Variants in DMD observed in about 807,000 individuals in gnomAD.
DMD encodes mutant dystrophin.
A neutral mutation model predicts 330.1 loss-of-function variants in DMD; 63 were observed. That is an observed-to-expected ratio of 0.19 (90% confidence interval 0.16 to 0.24). The LOEUF is 0.24. Among genes scored for constraint, DMD ranks in the 10% least tolerant of loss-of-function variants. The pLI is 1.00. For synonymous variants in DMD, 1,223 were observed against 959.8 expected (o/e 1.27, Z -5.07); for missense variants, 3,344 against 2,684.1 (o/e 1.25, Z -5.43).
intron 60 of DMD, among the ~76,000 whole-genome samples, chrX:31,409,781 T>C (rs1285599454): frequency 1.8e-5 from 2 of 112,171 alleles, no homozygotes; most frequent in Non-Finnish European, 3.8e-5. Context: ...TGGTGCCAGA[T>C]GGTTTGAAGT....
chrX:32,067,612 G>T (rs1172048017), intron 44 of DMD, among the ~76,000 whole-genome samples: 1 of 111,173 alleles, frequency 9.0e-6, no homozygotes, highest in African/African-American at 3.3e-5. Context: ...ATAGTATTTG[G>T]TTTTCTGTTC....
At chrX:31,900,568 A>T (rs1449223966) in intron 47 of DMD, among the ~76,000 whole-genome samples, 1 of 111,381 alleles carries the variant, frequency 9.0e-6, no homozygotes, top group Non-Finnish European at 1.9e-5. Flanking sequence ...GTATGTCTTT[A>T]TCCGCAGTGT....
At position 32,876,685 on chromosome X, in the gene DMD, A is replaced by AT. The variant is rs1217983368; in HGVS notation, c.94-26866dup. On this transcript the variant is annotated intron_variant, in intron 2 of 78. Transcript: ENST00000357033. The stretch of plus-strand genomic sequence containing the variant: ...CTTTATGAGCCCCTGGCTGAAAGAT[A>AT]TTTTTTTTTAATCCCCTACTAAAAC... Among the ~76,000 whole-genome samples, 10 of 110,418 alleles carry AT rather than the reference A, an allele frequency of 9.1e-5. No homozygotes were observed. In the South Asian group the frequency reaches 3.5e-3, roughly 38 times the overall value.
At chrX:32,597,715 A>G (rs2055724951) in intron 12 of DMD, among the ~76,000 whole-genome samples, 2 of 111,899 alleles carry the variant, frequency 1.8e-5, no homozygotes. Context: ...GTAATGATGA[A>G]CAGGGGTAAA....
chrX:32,619,193 G>C (rs2057807329), intron 11 of DMD, among the ~76,000 whole-genome samples: 1 of 111,485 alleles, frequency 9.0e-6, no homozygotes, highest in Non-Finnish European at 1.9e-5. Context: ...ATTATGTTAA[G>C]TGAAATAAGC....
At chrX:31,685,741 C>T (rs180861541) in intron 52 of DMD, among the ~76,000 whole-genome samples, 6 of 112,073 alleles carry the variant, frequency 5.4e-5, no homozygotes, top group Admixed American at 4.7e-4. Context: ...TTGCTAGGTG[C>T]GCTGGCCAGA....
intron 54 of DMD, among the ~76,000 whole-genome samples, chrX:31,644,858 T>C (rs964108517): frequency 9.0e-6 from 1 of 111,702 alleles, no homozygotes; most frequent in Non-Finnish European, 1.9e-5. Flanking sequence ...TTACTCTACA[T>C]GAGAAGTGTA....
intron 19 of DMD, among the ~76,000 whole-genome samples, chrX:32,492,852 T>C (rs903536159): frequency 8.9e-6 from 1 of 112,167 alleles, no homozygotes; most frequent in Non-Finnish European, 1.9e-5. Flanking sequence ...TGTTTTATGT[T>C]CCCTCATGTA....
At chrX:33,244,882 G>T (rs1378446837) in intron 1 of DMD, among the ~76,000 whole-genome samples, 1 of 111,591 alleles carries the variant, frequency 9.0e-6, no homozygotes, top group Non-Finnish European at 1.9e-5. Context: ...ACAAGCCCTA[G>T]TGTCTTCAAG....
rs185536184 is a variant in DMD, at chrX:31,306,298, C to T, written c.9224+17300G>A. Among the ~76,000 whole-genome samples, 444 of 111,522 alleles carry T rather than the reference C, an allele frequency of 4.0e-3. 2 individuals are homozygous for T. Among genetic ancestry groups the T allele is most frequent in the African/African-American group, 0.013 (414 of 30,770 alleles). The stretch of plus-strand genomic sequence containing the variant: ...GTTCATAAGCGGAAGAGCTGCTGCA[C>T]TGTTCAGTATCATTTCCCCATATTT... On this transcript the variant is annotated intron_variant, in intron 62 of 78. Transcript: ENST00000357033.
chrX:31,487,900 T>C (rs1231384276), intron 57 of DMD, among the ~76,000 whole-genome samples: 1 of 112,155 alleles, frequency 8.9e-6, no homozygotes, highest in African/African-American at 3.2e-5. Flanking sequence ...ATTATGTTTT[T>C]TTTTTAAAAA....
chrX:31,579,709 A>G (rs1184221172), intron 55 of DMD, among the ~76,000 whole-genome samples: 8 of 112,739 alleles, frequency 7.1e-5, no homozygotes, highest in African/African-American at 2.6e-4. Context: ...CATTAAGTAA[A>G]TAATAGTATA....
intron 9 of DMD, among the ~76,000 whole-genome samples, chrX:32,654,175 T>G (rs1372808742): frequency 9.0e-6 from 1 of 111,354 alleles, no homozygotes; most frequent in Non-Finnish European, 1.9e-5. Flanking sequence ...TGGCCGGAAC[T>G]TCCAACACTA....
chrX:32,421,436 G>A (rs2098189128), intron 29 of DMD, among the ~76,000 whole-genome samples: 1 of 104,473 alleles, frequency 9.6e-6, no homozygotes, highest in Non-Finnish European at 2.0e-5. Flanking sequence ...CATGGTGTAT[G>A]GAACAGCTGC....
intron 44 of DMD, among the ~76,000 whole-genome samples, chrX:32,085,080 C>A (rs921177987): frequency 5.4e-5 from 6 of 110,837 alleles, no homozygotes; most frequent in African/African-American, 1.6e-4. Flanking sequence ...ATTATTCCTT[C>A]CTAGACAAAA....
At chrX:32,610,947 A>G (rs145846801) in intron 12 of DMD, among the ~76,000 whole-genome samples, 15 of 111,484 alleles carry the variant, frequency 1.3e-4, no homozygotes, top group African/African-American at 4.9e-4. Context: ...TCAGTTACCC[A>G]AAGAAGTAAC....
At chrX:32,607,175 T>C (rs1289812817) in intron 12 of DMD, among the ~76,000 whole-genome samples, 1 of 110,500 alleles carries the variant, frequency 9.0e-6, no homozygotes, top group Non-Finnish European at 1.9e-5. Flanking sequence ...TTACTAGAGT[T>C]AAATGAGACA....
intron 7 of DMD, among the ~76,000 whole-genome samples, chrX:32,708,645 A>G (rs1277199841): frequency 8.9e-6 from 1 of 111,743 alleles, no homozygotes. Flanking sequence ...TGTGTCAGAC[A>G]TGATACCAAT....
chrX:32,790,307 A>C lies in DMD; in HGVS notation c.649+19186T>G, dbSNP rs776711331. ...GGCTAGGAGTCTGGAGAGGCTCCCT[A>C]ACATGGGGAGAGAATTAGAGATGCA... On this transcript the variant is annotated intron_variant, in intron 7 of 78. Transcript: ENST00000357033. Among the ~76,000 whole-genome samples the C allele has an allele frequency of 4.5e-5, 5 of 112,216 alleles. No individual in the cohort carries two copies. The East Asian group carries it at 1.4e-3, about 32-fold the overall frequency.
Sources: gnomAD v4.1 joint callset for allele counts (sites outside exome capture counted in the v4.1 genomes callset) on GRCh38, gnomAD v4.1.1 for gene constraint, MANE v1.5 for transcripts, NCBI Gene and HGNC (gene_info 2026-07-23, HGNC 2026-07-21) for gene names.